EPB41L3: variants seen among roughly 807,000 people sequenced by gnomAD.
EPB41L3 encodes the protein erythrocyte membrane protein band 4.1 like 3, also known as band 4.1-like protein 3.
Under a neutral mutation model 127.1 loss-of-function variants are expected in EPB41L3, and 57 were observed. The observed-to-expected ratio is 0.45, with a 90% CI of 0.36 to 0.56. The LOEUF (loss-of-function observed/expected upper bound fraction) is 0.56, where lower values mean the gene tolerates loss of function less well. Among genes scored for constraint, EPB41L3 ranks in the 20% least tolerant of loss-of-function variants. The pLI, the probability that EPB41L3 is intolerant of heterozygous loss-of-function variation, is 0.00. For missense variants in EPB41L3, 1,273 were observed against 1,372.2 expected (o/e 0.93, Z 1.14); for synonymous variants, 572 against 549.5 (o/e 1.04, Z -0.57).
At chr18:5,488,926 A>T in intron 2 of EPB41L3, 75 bp downstream of exon 2, 2 of 1,468,220 alleles carry the variant, frequency 1.4e-6, no homozygotes, top group Non-Finnish European at 1.8e-6. Flanking sequence ...CTCTAGGGCT[A>T]AGAGACCAAG....
chr18:5,441,852 C>T lies in EPB41L3; in HGVS notation c.529+1986G>A, dbSNP rs534462436. Among the ~76,000 whole-genome samples, 23 of 152,288 alleles carry T rather than the reference C, an allele frequency of 1.5e-4. No individual in the cohort carries two copies. The South Asian group carries it at 4.8e-3, about 32-fold the overall frequency. On this transcript the variant is annotated intron_variant, in intron 5 of 22. Transcript: ENST00000341928. ...TTTCTTTATGGCAAAGTCATATACA[C>T]TGCCTAATCTGCATGATAAAAAAAT... is the stretch of plus-strand genomic sequence containing the variant.
chr18:5,428,633 A>C (rs1035196555), intron 8 of EPB41L3, among the ~76,000 whole-genome samples, 168 bp from the exon 9 acceptor site: 7 of 152,250 alleles, frequency 4.6e-5, no homozygotes, highest in African/African-American at 1.7e-4. Flanking sequence ...CCTTTTGGTG[A>C]AGATGTTTAT....
At chr18:5,603,530 G>C (rs920925015) in intron 3 of EPB41L3, among the ~76,000 whole-genome samples, 2 of 152,166 alleles carry the variant, frequency 1.3e-5, no homozygotes, top group Admixed American at 1.3e-4. Context: ...GGGCAATTAC[G>C]GGTTTTGCCA....
intron 1 of EPB41L3, among the ~76,000 whole-genome samples, chr18:5,519,972 A>T (rs2092920292): frequency 6.6e-6 from 1 of 152,200 alleles, no homozygotes; most frequent in Non-Finnish European, 1.5e-5. Flanking sequence ...GCAGCAACTG[A>T]TTCTCAGGAA....
intron 8 of EPB41L3, among the ~76,000 whole-genome samples, chr18:5,430,728 A>AT (rs34910794): frequency 0.015 from 1,980 of 135,118 alleles, 16 homozygotes; most frequent in African/African-American, 0.03. Flanking sequence ...CACACTCGAC[A>AT]TTTTTTTTTT....
chr18:5,524,542 A>G (rs996902809), intron 1 of EPB41L3, among the ~76,000 whole-genome samples: 1 of 152,192 alleles, frequency 6.6e-6, no homozygotes, highest in African/African-American at 2.4e-5. Context: ...CTTTCCTACT[A>G]TAATATAAAC....
chr18:5,577,023 G>A (rs887825232), intron 3 of EPB41L3, among the ~76,000 whole-genome samples: 3 of 152,148 alleles, frequency 2.0e-5, no homozygotes, highest in African/African-American at 4.8e-5. Context: ...TACTAAGTAA[G>A]AAGGACAAAG....
rs775456208 is a variant in EPB41L3, at chr18:5,443,799, C to A, written c.529+39G>T. On this transcript the variant is annotated intron_variant, in intron 5 of 22. Transcript: ENST00000341928. ...ATTCAGACAACTTGCTCTCTGAAAACCTTCACATTTCCACAAAAAATAATC... is the reference window on the plus strand; with the variant it reads ...ATTCAGACAACTTGCTCTCTGAAAAACTTCACATTTCCACAAAAAATAATC... 8 of 1,577,868 alleles carry A rather than the reference C, an allele frequency of 5.1e-6. No homozygotes were observed. The Admixed American group carries it at 5.2e-5, about 10-fold the overall frequency.
At chr18:5,553,830 G>A (rs969721914) in intron 3 of EPB41L3, among the ~76,000 whole-genome samples, 2 of 152,150 alleles carry the variant, frequency 1.3e-5, no homozygotes, top group African/African-American at 4.8e-5. Flanking sequence ...TGTCAGCCTG[G>A]TAAAACATAA....
At chr18:5,498,631 G>A (rs2091438409) in intron 1 of EPB41L3, among the ~76,000 whole-genome samples, 1 of 141,660 alleles carries the variant, frequency 7.1e-6, no homozygotes, top group African/African-American at 2.6e-5. Flanking sequence ...CTTCAGAACT[G>A]ATGACATCAT....
chr18:5,468,958 A>C (rs2085545520), intron 3 of EPB41L3, among the ~76,000 whole-genome samples: 2 of 151,660 alleles, frequency 1.3e-5, no homozygotes, highest in Admixed American at 1.3e-4. Flanking sequence ...AACAAACAAA[A>C]AACAAAAAAC....
intron 3 of EPB41L3, among the ~76,000 whole-genome samples, chr18:5,449,809 C>A (rs1406809289): frequency 1.3e-5 from 2 of 152,144 alleles, no homozygotes; most frequent in Non-Finnish European, 2.9e-5. Context: ...ATGCCTAAAA[C>A]CACAGATAGT....
intron 3 of EPB41L3, among the ~76,000 whole-genome samples, chr18:5,588,491 A>T (rs2094458873): frequency 6.6e-6 from 1 of 151,294 alleles, no homozygotes; most frequent in African/African-American, 2.4e-5. Flanking sequence ...TATACACATA[A>T]ATATGTGTAT....
At chr18:5,423,667 C>T (rs1449043539) in intron 10 of EPB41L3, 114 bp from the exon 11 acceptor site, 2 of 912,660 alleles carry the variant, frequency 2.2e-6, no homozygotes, top group Non-Finnish European at 3.2e-6. Flanking sequence ...ATTTAACGCA[C>T]AACTTGCAGT....
intron 1 of EPB41L3, among the ~76,000 whole-genome samples, chr18:5,514,711 C>T (rs2092683498): frequency 6.6e-6 from 1 of 152,082 alleles, no homozygotes; most frequent in African/African-American, 2.4e-5. Flanking sequence ...ATCATTATCG[C>T]TTCCTTGGTA....
At chr18:5,488,966 A>G in intron 2 of EPB41L3, 35 bp downstream of exon 2, 2 of 1,552,244 alleles carry the variant, frequency 1.3e-6, no homozygotes, top group Admixed American at 3.9e-5. Context: ...CAGCTCAGCA[A>G]ACACTGCGTC....
chr18:5,446,237 A>T (rs1255279100), intron 3 of EPB41L3, among the ~76,000 whole-genome samples: 1 of 152,210 alleles, frequency 6.6e-6, no homozygotes, highest in Admixed American at 6.5e-5. Flanking sequence ...AACATAACAA[A>T]ATATTCAGTT....
At chr18:5,482,694 T>G (rs1054454526) in intron 2 of EPB41L3, among the ~76,000 whole-genome samples, 2 of 151,496 alleles carry the variant, frequency 1.3e-5, no homozygotes, top group East Asian at 3.9e-4. Flanking sequence ...CAGGAAAGAG[T>G]GGACTGACAT....
chr18:5,460,886 C>T (rs1262163098), intron 3 of EPB41L3, among the ~76,000 whole-genome samples: 1 of 152,178 alleles, frequency 6.6e-6, no homozygotes, highest in Non-Finnish European at 1.5e-5. Flanking sequence ...TATTTATTTT[C>T]TCTTTGTTAT....
Sources: gnomAD v4.1 joint callset for allele counts (sites outside exome capture counted in the v4.1 genomes callset) on GRCh38, gnomAD v4.1.1 for gene constraint, MANE v1.5 for transcripts, NCBI Gene and HGNC (gene_info 2026-07-23, HGNC 2026-07-21) for gene names.